The following PRMT3 variants were observed in gnomAD, a reference collection of about 807,000 sequenced individuals.
PRMT3 encodes protein arginine N-methyltransferase 3.
PRMT3 carries 62 observed loss-of-function variants against 71.9 expected under a neutral mutation model. The ratio of observed to expected loss-of-function variants is 0.86; its 90% CI spans 0.70 to 1.07. The LOEUF is 1.07. Among genes scored for constraint, PRMT3 ranks in the 50% least tolerant of loss-of-function variants. The pLI, the probability that PRMT3 is intolerant of heterozygous loss-of-function variation, is 0.00. For synonymous variants in PRMT3, 213 were observed against 220.4 expected, an observed-to-expected ratio of 0.97 and a Z score of 0.30; for missense variants, 663 against 643.0, an observed-to-expected ratio of 1.03 and a Z score of -0.34.
intron 13 of PRMT3, among the ~76,000 whole-genome samples, chr11:20,488,832 T>C (rs1417177184): frequency 6.6e-6 from 1 of 152,200 alleles, no homozygotes; most frequent in African/African-American, 2.4e-5. Context: ...CAAATGAGTG[T>C]ATATTAAATG....
chr11:20,504,535 A>G (rs1224041174), intron 15 of PRMT3, among the ~76,000 whole-genome samples: 2 of 152,218 alleles, frequency 1.3e-5, no homozygotes, highest in African/African-American at 4.8e-5. Flanking sequence ...GGATTTTGTT[A>G]AATCAATAGA....
intron 13 of PRMT3, among the ~76,000 whole-genome samples, chr11:20,488,471 T>C (rs1028039785): frequency 6.6e-6 from 1 of 152,212 alleles, no homozygotes; most frequent in African/African-American, 2.4e-5. Context: ...ATTGTATTTT[T>C]GTTATAGTGA....
rs751852598 is a variant in PRMT3, at chr11:20,395,924, C to T, written c.522C>T (p.Ala174=). 4.2e-5 allele frequency: 67 copies of T among 1,613,748 alleles called. No individual in the cohort carries two copies. Among genetic ancestry groups the T allele is most frequent in the East Asian group, 2.2e-4 (10 of 44,886 alleles). The change falls in exon 6 of 16, where the codon GCC becomes GCT. Residue 174 remains alanine (A), a synonymous_variant. Coordinates refer to ENST00000331079, the MANE Select transcript of PRMT3 (RefSeq NM_005788.4). ...AAGCCAGGGCACTGTCTGCTGAAGC[C>T]GCATTGGCCAGAGCACGTGAGGATC... ...HMEARALSAE[A]ALARAREDLQ... is the part of the protein sequence containing the mutation.
chr11:20,488,199 A>T (rs1175210930), intron 13 of PRMT3, among the ~76,000 whole-genome samples: 1 of 152,214 alleles, frequency 6.6e-6, no homozygotes, highest in African/African-American at 2.4e-5. Flanking sequence ...TGGGGAAAAA[A>T]TCATAATATA....
At chr11:20,425,233 C>G (rs1450995047) in intron 9 of PRMT3, among the ~76,000 whole-genome samples, 1 of 152,088 alleles carries the variant, frequency 6.6e-6, no homozygotes, top group South Asian at 2.1e-4. Flanking sequence ...TAGGAAAATG[C>G]AGTTTATAAC....
chr11:20,448,472 T>C lies in PRMT3; in HGVS notation c.994-3658T>C, dbSNP rs529365945. On this transcript the variant is annotated intron_variant, in intron 10 of 15. Coordinates refer to ENST00000331079, the MANE Select transcript of PRMT3 (RefSeq NM_005788.4). ...ATTATATTATATAGGCTTGTGTATT[T>C]GTTGCAGGTAATCTTTAAGTATTTC... 2.2e-4 allele frequency among the ~76,000 whole-genome samples: 33 copies of C among 152,250 alleles called. No individual in the cohort carries two copies. In the South Asian group the frequency reaches 6.8e-3, roughly 32 times the overall value.
chr11:20,425,685 C>CT (rs1201880756), intron 9 of PRMT3, among the ~76,000 whole-genome samples: 5 of 152,138 alleles, frequency 3.3e-5, no homozygotes, highest in Non-Finnish European at 7.4e-5. Context: ...GTATGAAACT[C>CT]TGTCTGTAAA....
chr11:20,434,972 C>G (rs1230213563), intron 10 of PRMT3, among the ~76,000 whole-genome samples: 1 of 152,144 alleles, frequency 6.6e-6, no homozygotes, highest in Admixed American at 6.5e-5. Flanking sequence ...TTGCTTTGGG[C>G]AGTGTGACCA....
chr11:20,472,368 T>C (rs527375348), intron 13 of PRMT3, among the ~76,000 whole-genome samples: 2 of 152,196 alleles, frequency 1.3e-5, no homozygotes, highest in Non-Finnish European at 2.9e-5. Flanking sequence ...TTTTGAGATA[T>C]GTTCCACCAA....
intron 9 of PRMT3, among the ~76,000 whole-genome samples, chr11:20,424,100 T>C (rs1484542482): frequency 6.7e-6 from 1 of 148,886 alleles, no homozygotes; most frequent in Non-Finnish European, 1.5e-5. Context: ...AGGAGAATGG[T>C]GTAAACCCGG....
intron 9 of PRMT3, among the ~76,000 whole-genome samples, chr11:20,424,000 C>A (rs1450121634): frequency 6.6e-6 from 1 of 150,512 alleles, no homozygotes; most frequent in African/African-American, 2.4e-5. Flanking sequence ...CTGGCTAACA[C>A]GGTGAAACCC....
intron 13 of PRMT3, among the ~76,000 whole-genome samples, chr11:20,481,931 T>G (rs1447550134): frequency 2.0e-5 from 3 of 152,114 alleles, no homozygotes; most frequent in Non-Finnish European, 4.4e-5. Context: ...TTGGAAACAT[T>G]ACCATTATGA....
intron 10 of PRMT3, among the ~76,000 whole-genome samples, chr11:20,435,601 C>T (rs914480886): frequency 2.0e-5 from 3 of 152,034 alleles, no homozygotes; most frequent in African/African-American, 7.3e-5. Context: ...AGAGACTGTC[C>T]CTTCTCCAAT....
At chr11:20,488,309 T>TTCATC (rs1851126650) in intron 13 of PRMT3, among the ~76,000 whole-genome samples, 1 of 152,198 alleles carries the variant, frequency 6.6e-6, no homozygotes, top group Non-Finnish European at 1.5e-5. Flanking sequence ...TGTTTGTATT[T>TTCATC]TCATCTCCTT....
chr11:20,392,853 G>A, intron 4 of PRMT3, 44 bp from the exon 5 acceptor site: 1 of 1,234,992 alleles, frequency 8.1e-7, no homozygotes, highest in South Asian at 1.3e-5. Context: ...GGGATTTTGT[G>A]ATTATATGTA....
intron 13 of PRMT3, among the ~76,000 whole-genome samples, chr11:20,482,085 G>A (rs1850950411): frequency 6.6e-6 from 1 of 152,068 alleles, no homozygotes; most frequent in African/African-American, 2.4e-5. Context: ...CACAAAATGA[G>A]GAACCCTGCA....
chr11:20,476,418 T>C (rs1850786313), intron 13 of PRMT3, among the ~76,000 whole-genome samples: 1 of 151,096 alleles, frequency 6.6e-6, no homozygotes, highest in African/African-American at 2.4e-5. Context: ...ACTATGAACA[T>C]TTTAATATGA....
intron 11 of PRMT3, among the ~76,000 whole-genome samples, chr11:20,456,576 T>A (rs1219499473): frequency 2.0e-5 from 3 of 152,222 alleles, no homozygotes; most frequent in African/African-American, 7.2e-5. Flanking sequence ...ACCAGTAACA[T>A]ACTGTCTTAA....
At chr11:20,409,720 A>C (rs981031626) in intron 9 of PRMT3, among the ~76,000 whole-genome samples, 1 of 151,954 alleles carries the variant, frequency 6.6e-6, no homozygotes, top group Non-Finnish European at 1.5e-5. Flanking sequence ...AGAATTACAC[A>C]TACATATATA....
Sources: gnomAD v4.1 joint callset for allele counts (sites outside exome capture counted in the v4.1 genomes callset) on GRCh38, gnomAD v4.1.1 for gene constraint, MANE v1.5 for transcripts, NCBI Gene and HGNC (gene_info 2026-07-23, HGNC 2026-07-21) for gene names.